Variants in SHISA9 observed in about 807,000 individuals in gnomAD.
SHISA9 encodes the protein shisa family member 9, also known as protein shisa-9.
A neutral mutation model predicts 38.0 loss-of-function variants in SHISA9; 13 were observed. The observed-to-expected ratio is 0.34, with a 90% CI of 0.22 to 0.54. The LOEUF (loss-of-function observed/expected upper bound fraction) is 0.54. Ranked by LOEUF, SHISA9 falls within the 20% of genes least tolerant of loss-of-function variation. SHISA9 has a pLI of 0.91. For missense variants in SHISA9, 538 were observed against 575.8 expected (o/e 0.93, Z 0.67); for synonymous variants, 275 against 242.0 (o/e 1.14, Z -1.27).
At chr16:13,329,067 T>C in the SHISA9 span, among the ~76,000 whole-genome samples, 1 of 152,114 alleles carries the variant, frequency 6.6e-6, no homozygotes, top group Non-Finnish European at 1.5e-5. Context: ...CCCTTCTTTT[T>C]GCTAAACCTC....
At chr16:13,294,150 T>G in the SHISA9 span, among the ~76,000 whole-genome samples, 5 of 152,196 alleles carry the variant, frequency 3.3e-5, no homozygotes, top group Non-Finnish European at 7.3e-5. Context: ...CATTGGATTA[T>G]GCTAAGGGGT....
intron 2 of SHISA9, among the ~76,000 whole-genome samples, chr16:13,102,193 C>A (rs1165057943): frequency 6.6e-6 from 1 of 152,314 alleles, no homozygotes; most frequent in Admixed American, 6.5e-5. Context: ...ACATGCTCAA[C>A]CCTAGGACTA....
At chr16:13,001,814 T>C (rs534685606) in intron 2 of SHISA9, among the ~76,000 whole-genome samples, 3 of 152,188 alleles carry the variant, frequency 2.0e-5, no homozygotes, top group Admixed American at 2.0e-4. Context: ...TACTGGTGTC[T>C]GCAATTTACT....
chr16:13,212,720 G>A (rs2051132389), intron 3 of SHISA9, among the ~76,000 whole-genome samples: 1 of 152,136 alleles, frequency 6.6e-6, no homozygotes, highest in Non-Finnish European at 1.5e-5. Context: ...CTGTGGTAAG[G>A]TAGCCCCCAC....
chr16:12,938,123 G>T (rs539505000), intron 2 of SHISA9, among the ~76,000 whole-genome samples: 1 of 152,332 alleles, frequency 6.6e-6, no homozygotes, highest in Admixed American at 6.5e-5. Context: ...TGTCCTCAAA[G>T]CTTAGTGTAA....
intron 2 of SHISA9, among the ~76,000 whole-genome samples, chr16:13,019,729 A>T (rs920369708): frequency 1.3e-5 from 2 of 151,370 alleles, no homozygotes; most frequent in Admixed American, 1.3e-4. Flanking sequence ...CCTAGTACCC[A>T]TTAGTTGTTT....
the SHISA9 span, among the ~76,000 whole-genome samples, chr16:13,252,219 G>A: frequency 6.6e-6 from 1 of 152,108 alleles, no homozygotes; most frequent in Admixed American, 6.5e-5. Flanking sequence ...GCCCCCACTG[G>A]CCTCCTTGCT....
chr16:13,532,831 C>T, the SHISA9 span, among the ~76,000 whole-genome samples: 68 of 152,266 alleles, frequency 4.5e-4, 1 homozygote, highest in East Asian at 3.9e-4. Context: ...GATTCCAGCA[C>T]CTGGATCACT....
chr16:12,990,156 C>T (rs977288544), intron 2 of SHISA9, among the ~76,000 whole-genome samples: 8 of 152,124 alleles, frequency 5.3e-5, no homozygotes, highest in South Asian at 2.1e-4. Flanking sequence ...GTACACATAC[C>T]GCCTTTTCTT....
At chr16:13,171,788 C>T (rs1047412614) in intron 2 of SHISA9, among the ~76,000 whole-genome samples, 9 of 152,008 alleles carry the variant, frequency 5.9e-5, no homozygotes, top group East Asian at 3.9e-4. Context: ...ACTGGAGCAA[C>T]GTAGGTGACA....
At chr16:13,303,921 A>G in the SHISA9 span, among the ~76,000 whole-genome samples, 189 of 152,294 alleles carry the variant, frequency 1.2e-3, no homozygotes, top group African/African-American at 3.9e-3. Context: ...TTCACAGACC[A>G]CAAGAATCAT....
intron 2 of SHISA9, among the ~76,000 whole-genome samples, chr16:12,999,605 G>A (rs986113785): frequency 6.6e-6 from 1 of 152,164 alleles, no homozygotes; most frequent in Non-Finnish European, 1.5e-5. Flanking sequence ...TTAATGTGAA[G>A]CCCTGAATTA....
chr16:13,228,499 C>G (rs569953564), intron 4 of SHISA9, among the ~76,000 whole-genome samples: 12 of 152,250 alleles, frequency 7.9e-5, no homozygotes, highest in African/African-American at 2.9e-4. Context: ...TTGAATGCAT[C>G]CCTTGCTCAG....
At chr16:13,014,022 C>A (rs1372600603) in intron 2 of SHISA9, among the ~76,000 whole-genome samples, 2 of 152,198 alleles carry the variant, frequency 1.3e-5, no homozygotes, top group African/African-American at 4.8e-5. Flanking sequence ...AACCACCGGG[C>A]CTGGCCTGAA....
At chr16:13,222,792 G>GTATATATATATATATA (rs745719678) in intron 4 of SHISA9, among the ~76,000 whole-genome samples, 1 of 63,556 alleles carries the variant, frequency 1.6e-5, no homozygotes, top group African/African-American at 9.2e-5. Flanking sequence ...GTGTGTGTAT[G>GTATATATATATATATA]TATATATATA....
At chr16:13,141,385 T>G (rs1391260372) in intron 2 of SHISA9, among the ~76,000 whole-genome samples, 1 of 151,998 alleles carries the variant, frequency 6.6e-6, no homozygotes, top group Admixed American at 6.6e-5. Context: ...TGTTTTTCAT[T>G]TTTTATTATT....
intron 2 of SHISA9, among the ~76,000 whole-genome samples, chr16:13,105,943 G>T (rs929679899): frequency 6.6e-6 from 1 of 152,106 alleles, no homozygotes. Context: ...TTTACTCTTG[G>T]ATCTCACCAA....
chr16:13,235,728 C>A lies in SHISA9; in HGVS notation c.*319C>A, dbSNP rs758852603. 1.5e-4 allele frequency: 48 copies of A among 316,634 alleles called. No homozygotes were observed. The highest frequency in any genetic ancestry group is 2.2e-4 in the Non-Finnish European group (39 of 173,524). The allele number at this position is 316,634 out of a possible 1,614,324, so 19.6% of individuals were successfully genotyped here. A position where few individuals can be genotyped will look rare whatever the true frequency, so the allele number is the denominator to read the frequency against. ...AAACCGTGGGGCTGAGTTTTCTTTT[C>A]CTCCTAACTTGAAACTGAAATCCAT... On this transcript the variant is annotated 3_prime_UTR_variant, in exon 5 of 5. Transcript: ENST00000558583.
chr16:13,506,059 G>T, the SHISA9 span, among the ~76,000 whole-genome samples: 1 of 152,180 alleles, frequency 6.6e-6, no homozygotes, highest in African/African-American at 2.4e-5. Flanking sequence ...GAATAGAGGA[G>T]ATTAATAGGG....
Sources: gnomAD v4.1 joint callset for allele counts (sites outside exome capture counted in the v4.1 genomes callset) on GRCh38, gnomAD v4.1.1 for gene constraint, MANE v1.5 for transcripts, NCBI Gene and HGNC (gene_info 2026-07-23, HGNC 2026-07-21) for gene names.